TUBGCP3: variants seen among roughly 807,000 people sequenced by gnomAD.
TUBGCP3 encodes gamma-tubulin complex component 3.
TUBGCP3 carries 50 observed loss-of-function variants against 123.1 expected under a neutral mutation model. That is an observed-to-expected ratio of 0.41 (90% CI 0.32 to 0.51). The LOEUF (loss-of-function observed/expected upper bound fraction) is 0.51. TUBGCP3 is among the 20% of genes least tolerant of loss of function. TUBGCP3 has a pLI of 0.36. For missense variants in TUBGCP3, 882 were observed against 1,127.0 expected, an observed-to-expected ratio of 0.78 and a Z score of 3.11; for synonymous variants, 405 against 413.9, an observed-to-expected ratio of 0.98 and a Z score of 0.26.
intron 8 of TUBGCP3, among the ~76,000 whole-genome samples, chr13:112,550,971 T>C (rs548737193): frequency 2.4e-4 from 36 of 152,154 alleles, no homozygotes; most frequent in South Asian, 6.2e-4. Context: ...TGGTGGTGGG[T>C]GCCTGTGGTT....
At chr13:112,579,830 T>C (rs9549545) in intron 1 of TUBGCP3, among the ~76,000 whole-genome samples, 44,328 of 152,202 alleles carry the variant, frequency 0.29, 7,025 homozygotes, top group African/African-American at 0.4. Context: ...ACAACCCCAC[T>C]TGCAGGTGTT....
chr13:112,552,571 A>G (rs775971318), intron 8 of TUBGCP3, among the ~76,000 whole-genome samples: 9 of 152,170 alleles, frequency 5.9e-5, no homozygotes, highest in Non-Finnish European at 1.3e-4. Context: ...CCCCACCTTC[A>G]CAATCCTAGA....
At chr13:112,590,563 T>C (rs1310406719), upstream of TUBGCP3, among the ~76,000 whole-genome samples, 3 of 152,016 alleles carry the variant, frequency 2.0e-5, no homozygotes, top group Admixed American at 1.3e-4. Flanking sequence ...TATTTTCTCA[T>C]GGGTAGAAGC....
At position 112,588,110 on chromosome 13, in the gene TUBGCP3, G is replaced by A. The variant is rs1417707493; in HGVS notation, c.-130C>T. The A allele has an allele frequency of 9.2e-6, 7 of 761,792 alleles. No homozygotes were observed. The Admixed American group carries it at 1.7e-4, about 19-fold the overall frequency. 47.2% of individuals were successfully genotyped at this position (761,792 alleles called of 1,614,324 possible). ...CCTGACAGGCTAAGGCGCGGGCGCC[G>A]CCGGCCACCAGGGCGCCATTTTAAC... On this transcript the variant is annotated 5_prime_UTR_variant, in exon 1 of 22. Coordinates refer to ENST00000261965, the MANE Select transcript of TUBGCP3 (RefSeq NM_006322.6).
chr13:112,523,577 G>C (rs777482241), intron 13 of TUBGCP3, among the ~76,000 whole-genome samples: 4 of 152,084 alleles, frequency 2.6e-5, no homozygotes, highest in African/African-American at 4.8e-5. Context: ...AAGGGCATGG[G>C]GTTCTATTTC....
intron 13 of TUBGCP3, among the ~76,000 whole-genome samples, chr13:112,525,668 C>T (rs1006376160): frequency 1.3e-5 from 2 of 152,182 alleles, no homozygotes; most frequent in African/African-American, 2.4e-5. Context: ...AGGAAGAGAA[C>T]GAGGGAAAGC....
intron 8 of TUBGCP3, among the ~76,000 whole-genome samples, chr13:112,552,091 G>A (rs1879639717): frequency 6.6e-6 from 1 of 152,128 alleles, no homozygotes; most frequent in African/African-American, 2.4e-5. Flanking sequence ...CTCCTGCCGT[G>A]CGGCCCAGTT....
Position 112,527,359 on chromosome 13 carries a change from C to G in TUBGCP3, c.1446+15G>C. 1.3e-6 allele frequency: 2 copies of G among 1,507,478 alleles called. No individual in the cohort carries two copies. The highest frequency in any genetic ancestry group is 1.8e-6 in the Non-Finnish European group (2 of 1,123,922). 93.4% of individuals were successfully genotyped at this position (1,507,478 alleles called of 1,614,324 possible). A position where few individuals can be genotyped will look rare whatever the true frequency, so the allele number is the denominator to read the frequency against. ...CATAAAACATCAAAATCACAAAAAT[C>G]TCTTCTAATCCTACCTTCCTAGACT... On this transcript the variant is annotated intron_variant, in intron 12 of 21. Coordinates refer to ENST00000261965, the MANE Select transcript of TUBGCP3 (RefSeq NM_006322.6).
intron 17 of TUBGCP3, among the ~76,000 whole-genome samples, chr13:112,514,315 T>G (rs112948411): frequency 5.3e-4 from 81 of 151,838 alleles, no homozygotes; most frequent in African/African-American, 1.7e-3. Context: ...TCTTAGAATA[T>G]ATCCCCTGTA....
In TUBGCP3 at chr13:112,566,849, A is replaced by C. The variant is rs547034825; in HGVS notation, c.185-1671T>G. The stretch of plus-strand genomic sequence containing the variant: ...CCAGTTACAATGTACCCCACCTGCC[A>C]GTGTGGAAAATGTTTTGTCACACAT... On this transcript the variant is annotated intron_variant, in intron 2 of 21. Coordinates refer to ENST00000261965, the MANE Select transcript of TUBGCP3 (RefSeq NM_006322.6). 2.6e-5 allele frequency among the ~76,000 whole-genome samples: 4 copies of C among 152,366 alleles called. No individual in the cohort carries two copies. The South Asian group carries it at 6.2e-4, about 24-fold the overall frequency.
At chr13:112,533,487 G>A (rs188601015) in intron 11 of TUBGCP3, among the ~76,000 whole-genome samples, 43 of 152,158 alleles carry the variant, frequency 2.8e-4, no homozygotes, top group Admixed American at 2.5e-3. Context: ...CTGTGGACTT[G>A]GGAGGAAAAA....
chr13:112,604,222 ATT>A, the TUBGCP3 span: 2 of 152,078 alleles, frequency 1.3e-5, no homozygotes, highest in Admixed American at 1.3e-4. Context: ...CAATTCATGC[ATT>A]CTTTTTATAT....
At chr13:112,496,260 A>G (rs1880519568) in intron 20 of TUBGCP3, among the ~76,000 whole-genome samples, 1 of 152,348 alleles carries the variant, frequency 6.6e-6, no homozygotes, top group African/African-American at 2.4e-5. Context: ...GTGTGAGAAG[A>G]AAAGTGGAAA....
At chr13:112,522,635 C>T (rs549474658) in intron 13 of TUBGCP3, 126 bp from the exon 14 acceptor site, 68 of 826,206 alleles carry the variant, frequency 8.2e-5, no homozygotes, top group Non-Finnish European at 1.2e-4. Flanking sequence ...ACAGACTGAC[C>T]GCAGGCACAG....
chr13:112,560,554 G>A (rs563541888), intron 3 of TUBGCP3, among the ~76,000 whole-genome samples: 12 of 152,232 alleles, frequency 7.9e-5, no homozygotes, highest in Admixed American at 2.6e-4. Context: ...AGTCTGATTC[G>A]CAAACATAAC....
chr13:112,528,223 T>C (rs1438231197), intron 11 of TUBGCP3, among the ~76,000 whole-genome samples: 1 of 152,260 alleles, frequency 6.6e-6, no homozygotes, highest in Non-Finnish European at 1.5e-5. Context: ...CCATTCTCAT[T>C]TTTCAATCAT....
At chr13:112,572,346 T>C (rs1242680035) in intron 1 of TUBGCP3, among the ~76,000 whole-genome samples, 1 of 152,212 alleles carries the variant, frequency 6.6e-6, no homozygotes, top group African/African-American at 2.4e-5. Flanking sequence ...TGTGGCAGGT[T>C]TGTTACATAG....
At chr13:112,523,515 T>G (rs1876796493) in intron 13 of TUBGCP3, among the ~76,000 whole-genome samples, 1 of 152,238 alleles carries the variant, frequency 6.6e-6, no homozygotes, top group African/African-American at 2.4e-5. Context: ...GAGGTCTGCC[T>G]GGAGTCACGA....
intron 5 of TUBGCP3, 128 bp from the exon 6 acceptor site, chr13:112,556,352 A>G: frequency 1.1e-6 from 1 of 924,378 alleles, no homozygotes; most frequent in South Asian, 1.7e-5. Context: ...AGCTGATACC[A>G]TGACTTTACC....
Sources: gnomAD v4.1 joint callset for allele counts (sites outside exome capture counted in the v4.1 genomes callset) on GRCh38, gnomAD v4.1.1 for gene constraint, MANE v1.5 for transcripts, NCBI Gene and HGNC (gene_info 2026-07-23, HGNC 2026-07-21) for gene names.